TRIO: variants seen among roughly 807,000 people sequenced by gnomAD.
TRIO encodes the protein triple functional domain protein.
A neutral mutation model predicts 351.9 loss-of-function variants in TRIO; 58 were observed. The ratio of observed to expected loss-of-function variants is 0.16; its 90% CI spans 0.13 to 0.21. TRIO has a LOEUF of 0.21. Ranked by LOEUF, TRIO falls within the 10% of genes least tolerant of loss-of-function variation. TRIO has a pLI of 1.00. For missense variants in TRIO, 3,201 were observed against 4,027.8 expected (o/e 0.79, Z 5.56); for synonymous variants, 1,758 against 1,595.7 (o/e 1.10, Z -2.42).
chr5:14,205,232 C>T (rs1791383301), intron 1 of TRIO, among the ~76,000 whole-genome samples: 1 of 152,210 alleles, frequency 6.6e-6, no homozygotes, highest in African/African-American at 2.4e-5. Flanking sequence ...AGTTACTTAG[C>T]ACATCCACCG....
intron 3 of TRIO, among the ~76,000 whole-genome samples, chr5:14,281,434 C>G (rs772228192): frequency 0.011 from 1,462 of 128,036 alleles, 76 homozygotes; most frequent in Middle Eastern, 0.034. Context: ...ACCCCCCCCC[C>G]CCGCCCCGTG....
At chr5:14,395,628 C>T (rs1747493391) in intron 28 of TRIO, among the ~76,000 whole-genome samples, 1 of 152,158 alleles carries the variant, frequency 6.6e-6, no homozygotes, top group Non-Finnish European at 1.5e-5. Flanking sequence ...AGGGAAGGTG[C>T]CCATCAGGCA....
chr5:14,479,375 A>G (rs1447338377), intron 42 of TRIO, 25 bp downstream of exon 42: 3 of 1,558,464 alleles, frequency 1.9e-6, no homozygotes, highest in Non-Finnish European at 2.6e-6. Flanking sequence ...ACAAACAGAA[A>G]GTATTTCTGA....
intron 1 of TRIO, among the ~76,000 whole-genome samples, chr5:14,253,946 T>C (rs1400582962): frequency 6.6e-6 from 1 of 151,338 alleles, no homozygotes; most frequent in Admixed American, 6.6e-5. Flanking sequence ...GTCTCAAAAG[T>C]GTGAAACAGC....
chr5:14,297,065 T>C lies in TRIO; in HGVS notation c.1177-7T>C, dbSNP rs750294800. On this transcript the variant is annotated splice_polypyrimidine_tract_variant and splice_region_variant and intron_variant, in intron 6 of 56. Coordinates refer to ENST00000344204, the MANE Select transcript of TRIO (RefSeq NM_007118.4). Reference sequence around the variant, plus strand: ...TAAGGAGCCCTCTTTTCCTGCCCACTTTCCAGAACGTGTATGTAAATATAA... The same window carrying C: ...TAAGGAGCCCTCTTTTCCTGCCCACCTTCCAGAACGTGTATGTAAATATAA... 1 of 1,604,074 alleles carries C rather than the reference T, an allele frequency of 6.2e-7. No homozygotes were observed. The highest frequency in any genetic ancestry group is 8.5e-7 in the Non-Finnish European group (1 of 1,171,770).
chr5:14,265,569 A>G (rs1795624849), intron 1 of TRIO, among the ~76,000 whole-genome samples: 5 of 152,212 alleles, frequency 3.3e-5, no homozygotes. Context: ...GCTTTTTATT[A>G]TAAATAAATC....
intron 1 of TRIO, among the ~76,000 whole-genome samples, chr5:14,192,435 G>A (rs149366482): frequency 6.6e-6 from 1 of 151,916 alleles, no homozygotes; most frequent in East Asian, 1.9e-4. Context: ...TGCACGCCCA[G>A]GTAATTCTTT....
chr5:14,468,613 G>A (rs1210182772), intron 37 of TRIO, among the ~76,000 whole-genome samples: 2 of 152,202 alleles, frequency 1.3e-5, no homozygotes, highest in Non-Finnish European at 2.9e-5. Context: ...ATGGGAACTA[G>A]TTTTTGTCAG....
intron 21 of TRIO, among the ~76,000 whole-genome samples, 167 bp downstream of exon 21, chr5:14,381,419 C>T (rs965298216): frequency 1.3e-5 from 2 of 152,174 alleles, no homozygotes; most frequent in South Asian, 2.1e-4. Context: ...CCCTCCGTGT[C>T]CTCCACCTCC....
At chr5:14,280,717 C>G (rs908405341) in intron 3 of TRIO, among the ~76,000 whole-genome samples, 1 of 152,114 alleles carries the variant, frequency 6.6e-6, no homozygotes, top group African/African-American at 2.4e-5. Context: ...AGTTAGAAAG[C>G]CATTGTTGAT....
intron 1 of TRIO, among the ~76,000 whole-genome samples, chr5:14,230,024 C>T (rs1327427623): frequency 6.6e-6 from 1 of 152,194 alleles, no homozygotes; most frequent in Non-Finnish European, 1.5e-5. Flanking sequence ...ACACTTTGAA[C>T]TCCAGAAGTT....
chr5:14,248,042 GGC>G (rs1443957870), intron 1 of TRIO, among the ~76,000 whole-genome samples: 13 of 149,900 alleles, frequency 8.7e-5, no homozygotes, highest in African/African-American at 2.5e-5. Flanking sequence ...CTCCACCCTG[GGC>G]AACAGAGCGA....
At position 14,488,183 on chromosome 5, in the gene TRIO, C is replaced by A; in HGVS notation, c.7555C>A (p.Pro2519Thr). 1 of 1,600,628 alleles carries A rather than the reference C, an allele frequency of 6.2e-7. No individual in the cohort carries two copies. Among genetic ancestry groups the A allele is most frequent in the East Asian group, 2.2e-5 (1 of 44,756 alleles). ...LQRQTPRHAA[P>T]GKDTDRMSTC... Reference sequence around the variant, plus strand: ...GCGGCAGACACCCCGCCACGCGGCCCCTGGCAAGGATACTGACCGCATGAG... The same window carrying A: ...GCGGCAGACACCCCGCCACGCGGCCACTGGCAAGGATACTGACCGCATGAG... The change falls in exon 48 of 57, where the codon CCT (proline) becomes ACT (threonine). Residue 2519 changes from proline (P) to threonine (T), a missense_variant. Transcript: ENST00000344204.
chr5:14,441,231 C>T (rs987671267), intron 34 of TRIO: 3 of 152,804 alleles, frequency 2.0e-5, no homozygotes, highest in Non-Finnish European at 4.4e-5. Flanking sequence ...CTTTAGCCTC[C>T]AGTCGGCTCC....
chr5:14,210,466 T>C (rs1791816541), intron 1 of TRIO, among the ~76,000 whole-genome samples: 1 of 152,218 alleles, frequency 6.6e-6, no homozygotes, highest in South Asian at 2.1e-4. Flanking sequence ...CCAGGTGCCC[T>C]TTAACTTATG....
chr5:14,342,067 GTCT>G (rs1159571575), intron 11 of TRIO, among the ~76,000 whole-genome samples: 1 of 152,072 alleles, frequency 6.6e-6, no homozygotes, highest in Non-Finnish European at 1.5e-5. Flanking sequence ...TGAGCATCCA[GTCT>G]TCTTTGTGCT....
chr5:14,269,116 A>AT (rs1338063605), intron 1 of TRIO, among the ~76,000 whole-genome samples: 1 of 152,176 alleles, frequency 6.6e-6, no homozygotes, highest in African/African-American at 2.4e-5. Context: ...AAATCTACCC[A>AT]TAACTGGCTG....
intron 1 of TRIO, among the ~76,000 whole-genome samples, chr5:14,218,861 C>T (rs1420782787): frequency 6.6e-6 from 1 of 152,238 alleles, no homozygotes; most frequent in African/African-American, 2.4e-5. Context: ...GCAGTAAACT[C>T]CTCTGAAGAG....
At chr5:14,235,708 C>A (rs543394136) in intron 1 of TRIO, among the ~76,000 whole-genome samples, 1 of 151,384 alleles carries the variant, frequency 6.6e-6, no homozygotes, top group Non-Finnish European at 1.5e-5. Flanking sequence ...TACACCCATT[C>A]GAATCCACAA....
Sources: gnomAD v4.1 joint callset for allele counts (sites outside exome capture counted in the v4.1 genomes callset) on GRCh38, gnomAD v4.1.1 for gene constraint, MANE v1.5 for transcripts, NCBI Gene and HGNC (gene_info 2026-07-23, HGNC 2026-07-21) for gene names.